Variants in RANBP2 observed in about 807,000 individuals in gnomAD.
RANBP2 encodes E3 SUMO-protein ligase RanBP2.
RANBP2 carries 57 observed loss-of-function variants against 303.6 expected under a neutral mutation model. The ratio of observed to expected loss-of-function variants is 0.19; its 90% CI spans 0.15 to 0.23. The LOEUF (loss-of-function observed/expected upper bound fraction) is 0.23. Among genes scored for constraint, RANBP2 ranks in the 10% least tolerant of loss-of-function variants. RANBP2 has a pLI of 1.00. For synonymous variants in RANBP2, 1,167 were observed against 1,301.5 expected (o/e 0.90, Z 2.23); for missense variants, 3,138 against 3,780.8 (o/e 0.83, Z 4.46).
the RANBP2 span, among the ~76,000 whole-genome samples, chr2:109,593,305 TAAGTA>T: frequency 2.0e-5 from 3 of 152,096 alleles, no homozygotes; most frequent in East Asian, 5.8e-4. Context: ...GGTATCTACA[TAAGTA>T]AATTACATAT....
the RANBP2 span, chr2:109,371,496 G>A: frequency 3.4e-5 from 35 of 1,035,022 alleles, no homozygotes; most frequent in African/African-American, 4.1e-4. Context: ...AATCTCTTCC[G>A]AGCCTCCACA....
chr2:108,921,348 G>A, the RANBP2 span, among the ~76,000 whole-genome samples: 1 of 152,228 alleles, frequency 6.6e-6, no homozygotes. Flanking sequence ...TCCTCAGCCA[G>A]GGGCCCTTGG....
At chr2:108,768,801 G>A (rs1311119012) in intron 20 of RANBP2, among the ~76,000 whole-genome samples, 1 of 152,130 alleles carries the variant, frequency 6.6e-6, no homozygotes, top group Non-Finnish European at 1.5e-5. Flanking sequence ...GGGAGGTTGA[G>A]GTGGGCAGAT....
At chr2:109,561,366 ACTGT>A in the RANBP2 span, among the ~76,000 whole-genome samples, 2 of 151,956 alleles carry the variant, frequency 1.3e-5, no homozygotes, top group African/African-American at 4.8e-5. Flanking sequence ...CCCATTTTAC[ACTGT>A]CTGCCTCTCC....
At chr2:109,618,710 A>G in the RANBP2 span, 3 of 167,026 alleles carry the variant, frequency 1.8e-5, no homozygotes, top group Non-Finnish European at 4.4e-5. Context: ...TCAGATACTT[A>G]GATGTTTATT....
chr2:109,143,730 G>T, the RANBP2 span, among the ~76,000 whole-genome samples: 1 of 151,708 alleles, frequency 6.6e-6, no homozygotes, highest in Non-Finnish European at 1.5e-5. Flanking sequence ...CTCCAGCCTG[G>T]GCAACAGAGT....
At chr2:108,963,019 CAATTGA>C in the RANBP2 span, among the ~76,000 whole-genome samples, 2 of 152,138 alleles carry the variant, frequency 1.3e-5, no homozygotes, top group Non-Finnish European at 2.9e-5. Context: ...CACCAGCGAT[CAATTGA>C]ACTGAACAAA....
chr2:109,441,835 A>T, the RANBP2 span, among the ~76,000 whole-genome samples: 3 of 152,226 alleles, frequency 2.0e-5, no homozygotes, highest in Admixed American at 6.5e-5. Context: ...ATAGAAAAAA[A>T]GATAAGGGTA....
chr2:109,680,881 A>G, the RANBP2 span, among the ~76,000 whole-genome samples: 2 of 152,214 alleles, frequency 1.3e-5, no homozygotes, highest in African/African-American at 4.8e-5. Flanking sequence ...TTGCTGCTGG[A>G]AATATAAATT....
downstream of RANBP2, chr2:108,787,988 T>C (rs755656355): frequency 7.1e-6 from 10 of 1,410,650 alleles, no homozygotes; most frequent in Admixed American, 2.3e-5. Context: ...AGACAGTAAA[T>C]TGATTTTTAG....
chr2:108,855,833 G>C, the RANBP2 span, among the ~76,000 whole-genome samples: 1 of 152,170 alleles, frequency 6.6e-6, no homozygotes, highest in Non-Finnish European at 1.5e-5. Context: ...CTACAAAAGA[G>C]TAAATTTTAA....
chr2:109,560,384 C>A, the RANBP2 span, among the ~76,000 whole-genome samples: 6 of 152,146 alleles, frequency 3.9e-5, no homozygotes, highest in South Asian at 4.2e-4. Flanking sequence ...CAAGACGTGA[C>A]ACTGCTGGTT....
At chr2:109,121,034 C>G in the RANBP2 span, among the ~76,000 whole-genome samples, 1 of 152,150 alleles carries the variant, frequency 6.6e-6, no homozygotes, top group African/African-American at 2.4e-5. Context: ...ATCACAAGGT[C>G]AGGAGATCGA....
At chr2:109,107,249 A>T in the RANBP2 span, among the ~76,000 whole-genome samples, 1 of 151,512 alleles carries the variant, frequency 6.6e-6, no homozygotes, top group Non-Finnish European at 1.5e-5. Context: ...CAGCTGCCAA[A>T]GACTTCCAGA....
chr2:109,413,828 A>T, the RANBP2 span, among the ~76,000 whole-genome samples: 1 of 152,212 alleles, frequency 6.6e-6, no homozygotes, highest in Non-Finnish European at 1.5e-5. Flanking sequence ...CCAAGCCAGG[A>T]GTGAGGGCTT....
At chr2:109,414,954 G>A in the RANBP2 span, among the ~76,000 whole-genome samples, 1 of 152,226 alleles carries the variant, frequency 6.6e-6, no homozygotes, top group Non-Finnish European at 1.5e-5. Context: ...AAGACCCTGA[G>A]ATGGAGATGC....
the RANBP2 span, among the ~76,000 whole-genome samples, chr2:109,051,893 C>T: frequency 5.9e-5 from 9 of 152,122 alleles, no homozygotes; most frequent in South Asian, 1.5e-3. Context: ...GGACTACAGG[C>T]GCCCACCACC....
chr2:108,767,732 CAGAA>C lies in RANBP2; in HGVS notation c.7197_7200del (p.Arg2400TyrfsTer16). ...ATGACTTTGCAAAATATGAAAGGGA[CAGAA>C]AGAGTATGGTTGTGGACTGCATGTG... On this transcript the variant is annotated frameshift_variant, in exon 20 of 29. Transcript: ENST00000283195. LOFTEE classifies it high-confidence loss of function. The C allele has an allele frequency of 6.2e-7, 1 of 1,611,886 alleles. No individual in the cohort carries two copies. Among genetic ancestry groups the C allele is most frequent in the Non-Finnish European group, 8.5e-7 (1 of 1,179,850 alleles).
the RANBP2 span, among the ~76,000 whole-genome samples, chr2:109,433,119 G>A: frequency 6.6e-5 from 10 of 152,348 alleles, no homozygotes; most frequent in African/African-American, 1.9e-4. Flanking sequence ...GTGCACGTGC[G>A]TATGCATACT....
Sources: allele counts gnomAD v4.1 joint callset (sites outside exome capture counted in the v4.1 genomes callset), GRCh38; gene constraint gnomAD v4.1.1; transcripts MANE v1.5; gene names NCBI Gene and HGNC (gene_info 2026-07-23, HGNC 2026-07-21).